ASH1L: variants seen among roughly 807,000 people sequenced by gnomAD.
The protein encoded by ASH1L is ASH1 like histone lysine methyltransferase.
ASH1L carries 23 observed loss-of-function variants against 269.0 expected under a neutral mutation model. The observed-to-expected ratio is 0.09, with a 90% CI of 0.06 to 0.12. The LOEUF (loss-of-function observed/expected upper bound fraction) is 0.12, where lower values mean the gene tolerates loss of function less well. Among genes scored for constraint, ASH1L ranks in the 10% least tolerant of loss-of-function variants. ASH1L has a pLI of 1.00. For synonymous variants in ASH1L, 1,187 were observed against 1,253.5 expected (o/e 0.95, Z 1.12); for missense variants, 2,912 against 3,567.8 (o/e 0.82, Z 4.68).
chr1:155,366,989 G>GTTTTT (rs896488958), intron 12 of ASH1L, among the ~76,000 whole-genome samples: 48 of 124,168 alleles, frequency 3.9e-4, no homozygotes, highest in Non-Finnish European at 4.6e-4. Flanking sequence ...AATGGGTTTG[G>GTTTTT]TTTTTTTTTT....
At chr1:155,547,250 G>A (rs1670894302) in intron 1 of ASH1L, among the ~76,000 whole-genome samples, 3 of 150,922 alleles carry the variant, frequency 2.0e-5, no homozygotes, top group Admixed American at 6.6e-5. Context: ...CTTAATGAGG[G>A]CCATGACTAC....
intron 5 of ASH1L, among the ~76,000 whole-genome samples, chr1:155,422,303 A>ATTTTTT (rs757564991): frequency 8.3e-6 from 1 of 120,930 alleles, no homozygotes; most frequent in South Asian, 2.5e-4. Context: ...CGCCCAGCTA[A>ATTTTTT]TTTTTTTTTT....
chr1:155,339,876 T>C (rs766531235), intron 25 of ASH1L, among the ~76,000 whole-genome samples: 9 of 152,158 alleles, frequency 5.9e-5, no homozygotes, highest in Non-Finnish European at 1.0e-4. Context: ...AGGTATTACA[T>C]TGCAGTATGT....
At chr1:155,541,110 A>T (rs1670400204) in intron 1 of ASH1L, among the ~76,000 whole-genome samples, 1 of 152,204 alleles carries the variant, frequency 6.6e-6, no homozygotes, top group Admixed American at 6.5e-5. Context: ...GTTATTTAAT[A>T]TCCATATCTT....
chr1:155,343,815 G>T lies in ASH1L; in HGVS notation c.7982-73C>A. The T allele has an allele frequency of 6.5e-7, 1 of 1,548,504 alleles. No homozygotes were observed. Among genetic ancestry groups the T allele is most frequent in the South Asian group, 1.2e-5 (1 of 85,424 alleles). On this transcript the variant is annotated intron_variant, in intron 22 of 27. Coordinates refer to ENST00000392403, the MANE Select transcript of ASH1L (RefSeq NM_018489.3). The surrounding 1 kb of genome is among the most constrained non-coding windows in gnomAD (Gnocchi z 6.1). ...AATTCTGTTAGGCATCTGTTTATCT[G>T]ACTCAGGGTCTACATAGAACTCATA...
chr1:155,398,225 ATAACT>A (rs532943097), intron 6 of ASH1L, among the ~76,000 whole-genome samples: 1 of 152,242 alleles, frequency 6.6e-6, no homozygotes, highest in Non-Finnish European at 1.5e-5. Flanking sequence ...GAACACAAAC[ATAACT>A]TAATAGATGT....
chr1:155,535,150 T>C (rs1393330916), intron 1 of ASH1L, among the ~76,000 whole-genome samples: 1 of 150,444 alleles, frequency 6.6e-6, no homozygotes, highest in Non-Finnish European at 1.5e-5. Context: ...GATCGTGCCA[T>C]TGCACTCCAG....
intron 4 of ASH1L, among the ~76,000 whole-genome samples, chr1:155,448,345 TTTGTTGTTG>T (rs112178568): frequency 2.0e-5 from 3 of 151,688 alleles, no homozygotes; most frequent in Admixed American, 6.6e-5. Flanking sequence ...TTCTTTTCGT[TTTGTTGTTG>T]TTGTTGTTGT....
chr1:155,449,654 G>C (rs1663323228), intron 4 of ASH1L, among the ~76,000 whole-genome samples: 2 of 151,710 alleles, frequency 1.3e-5, no homozygotes, highest in Admixed American at 1.3e-4. Flanking sequence ...TGAGTAGCTG[G>C]GACTACAGGC....
chr1:155,433,912 C>A, intron 5 of ASH1L: 1 of 1,594,060 alleles, frequency 6.3e-7, no homozygotes, highest in Non-Finnish European at 8.5e-7. Context: ...TGAGAGGCAA[C>A]CTGGAGAATT....
chr1:155,359,854 C>T (rs1242101385), intron 13 of ASH1L, among the ~76,000 whole-genome samples: 10 of 151,052 alleles, frequency 6.6e-5, no homozygotes, highest in African/African-American at 9.7e-5. Flanking sequence ...GCTGGGATTA[C>T]AGGAATAAGC....
chr1:155,536,032 A>T (rs2148878771), intron 1 of ASH1L, among the ~76,000 whole-genome samples: 1 of 152,220 alleles, frequency 6.6e-6, no homozygotes, highest in African/African-American at 2.4e-5. Flanking sequence ...AATTTATAGC[A>T]CATTATTCAT....
At position 155,543,353 on chromosome 1, in the gene ASH1L, A is replaced by C. The variant is rs1220434316; in HGVS notation, c.-100+18800T>G. 4.0e-5 allele frequency among the ~76,000 whole-genome samples: 6 copies of C among 151,786 alleles called. No homozygotes were observed. The East Asian group carries it at 1.2e-3, about 30-fold the overall frequency. On this transcript the variant is annotated intron_variant, in intron 1 of 27. Transcript: ENST00000392403. Reference sequence around the variant, plus strand: ...TGGTGAAACTCTATCTCTACTAAAAATACAAAAATCAGCCAGGCATGGTGG... The same window carrying C: ...TGGTGAAACTCTATCTCTACTAAAACTACAAAAATCAGCCAGGCATGGTGG...
intron 17 of ASH1L, among the ~76,000 whole-genome samples, chr1:155,351,484 C>T (rs1056313407): frequency 5.3e-5 from 8 of 151,782 alleles, no homozygotes; most frequent in Admixed American, 1.3e-4. Context: ...ACCCTTGAGG[C>T]GGAGGATGTG....
In ASH1L at chr1:155,478,141, T is replaced by C; in HGVS notation, c.4729A>G (p.Ile1577Val). The C allele has an allele frequency of 1.2e-6, 2 of 1,614,060 alleles. No homozygotes were observed. Among genetic ancestry groups the C allele is most frequent in the Non-Finnish European group, 1.7e-6 (2 of 1,180,022 alleles). ...LALGLQTPLQIDCSESSPSLS... is the reference protein window; with the variant it reads ...LALGLQTPLQVDCSESSPSLS... ...CTTGGAGAACTTTCTGAACAGTCAA[T>C]CTGTAAAGGTGTCTGCAATCCCAAG... Residue 1577 changes from isoleucine to valine, a missense_variant, in exon 3 of 28, where the codon ATT becomes GTT. Ile to Val is a conservative substitution (Grantham distance 29). This residue lies in a region of ASH1L where 789 missense variants were observed against 897.6 expected (regional missense o/e 0.88). Transcript: ENST00000392403. The surrounding 1 kb of genome is among the most constrained non-coding windows in gnomAD (Gnocchi z 4.6).
chr1:155,502,204 G>A (rs1667558696), intron 2 of ASH1L, among the ~76,000 whole-genome samples: 1 of 150,922 alleles, frequency 6.6e-6, no homozygotes, highest in Non-Finnish European at 1.5e-5. Flanking sequence ...CCGAGTAGCT[G>A]AGATTATAGG....
chr1:155,512,061 C>G (rs1022475252), intron 2 of ASH1L, among the ~76,000 whole-genome samples: 1 of 152,148 alleles, frequency 6.6e-6, no homozygotes, highest in African/African-American at 2.4e-5. Flanking sequence ...ATCCACCCGC[C>G]TGGGTCTCCC....
chr1:155,476,243 G>A (rs973676617), intron 3 of ASH1L, among the ~76,000 whole-genome samples: 5 of 151,902 alleles, frequency 3.3e-5, no homozygotes, highest in Non-Finnish European at 5.9e-5. Flanking sequence ...AAAACTAGCC[G>A]GGTGTGGTGG....
At chr1:155,426,919 T>C (rs1462291839) in intron 5 of ASH1L, among the ~76,000 whole-genome samples, 1 of 152,158 alleles carries the variant, frequency 6.6e-6, no homozygotes, top group East Asian at 1.9e-4. Flanking sequence ...AATTTCCTTC[T>C]GATCCCCAGG....
Sources: gnomAD v4.1 joint callset for allele counts (sites outside exome capture counted in the v4.1 genomes callset) on GRCh38, gnomAD v4.1.1 for gene constraint, gnomAD v4.1.1 regional missense constraint, Gnocchi (gnomAD v3.1) non-coding constraint, MANE v1.5 for transcripts, NCBI Gene and HGNC (gene_info 2026-07-23, HGNC 2026-07-21) for gene names.